TMED10: variants seen among roughly 807,000 people sequenced by gnomAD.
TMED10 encodes the protein transmembrane emp24 domain-containing protein 10.
In TMED10, 7 loss-of-function variants were observed where a neutral mutation model predicts 23.1. The ratio of observed to expected loss-of-function variants is 0.30; its 90% confidence interval spans 0.17 to 0.57. The LOEUF (loss-of-function observed/expected upper bound fraction) is 0.57, where lower values mean the gene tolerates loss of function less well. Ranked by LOEUF, TMED10 falls within the 20% of genes least tolerant of loss-of-function variation. The probability of loss-of-function intolerance (pLI) is 0.91; values close to 1 mark genes in which losing one functional copy is unlikely to be tolerated. For missense variants in TMED10, 162 were observed against 274.8 expected, an observed-to-expected ratio of 0.59 and a Z score of 2.90; for synonymous variants, 113 against 106.9, an observed-to-expected ratio of 1.06 and a Z score of -0.35.
chr14:75,165,377 G>A lies in TMED10; in HGVS notation c.225+10978C>T, dbSNP rs531666800. ...CGAGTAGCTGGGAATACAGGCATAC[G>A]CCACCATGCACGGCTAATTTTTGTA... is the stretch of plus-strand genomic sequence containing the variant. On this transcript the variant is annotated intron_variant, in intron 1 of 4. Transcript: ENST00000303575. Among the ~76,000 whole-genome samples, 7 of 152,110 alleles carry A rather than the reference G, an allele frequency of 4.6e-5. No individual in the cohort carries two copies. In the South Asian group the frequency reaches 1.0e-3, roughly 23 times the overall value.
At chr14:75,156,941 G>GAAAAGAAAA (rs1896027143) in intron 1 of TMED10, among the ~76,000 whole-genome samples, 1 of 151,438 alleles carries the variant, frequency 6.6e-6, no homozygotes, top group Admixed American at 6.6e-5. Context: ...GAAAAGAAAA[G>GAAAAGAAAA]AAAAGAAAAG....
intron 1 of TMED10, among the ~76,000 whole-genome samples, chr14:75,154,807 G>T (rs1896002089): frequency 6.6e-6 from 1 of 151,936 alleles, no homozygotes; most frequent in Admixed American, 6.6e-5. Flanking sequence ...GGGATTACAG[G>T]CACATGCCAC....
At chr14:75,135,089 G>C in intron 4 of TMED10, 83 bp from the exon 5 acceptor site, 2 of 1,539,408 alleles carry the variant, frequency 1.3e-6, no homozygotes, top group East Asian at 4.6e-5. Flanking sequence ...GTGGGTAAAG[G>C]CAATTAATTA....
At chr14:75,135,571 A>T (rs1489718623) in intron 4 of TMED10, 189 bp downstream of exon 4, 4 of 676,146 alleles carry the variant, frequency 5.9e-6, no homozygotes, top group African/African-American at 1.8e-5. Flanking sequence ...CTATCACAGT[A>T]GGAGTTTCTA....
chr14:75,158,723 G>C (rs1022823386), intron 1 of TMED10, among the ~76,000 whole-genome samples: 4 of 151,890 alleles, frequency 2.6e-5, no homozygotes, highest in Non-Finnish European at 4.4e-5. Flanking sequence ...TCGGGAGTTC[G>C]AGACCAGCCT....
At chr14:75,165,684 G>T (rs1594874197) in intron 1 of TMED10, among the ~76,000 whole-genome samples, 1 of 152,134 alleles carries the variant, frequency 6.6e-6, no homozygotes, top group Admixed American at 6.5e-5. Flanking sequence ...GAAATAAAAG[G>T]ATCACATCTA....
At chr14:75,173,889 C>T (rs1385317387) in intron 1 of TMED10, among the ~76,000 whole-genome samples, 1 of 152,148 alleles carries the variant, frequency 6.6e-6, no homozygotes, top group East Asian at 1.9e-4. Flanking sequence ...CGCCACCATG[C>T]CCAGCTAATT....
At position 75,138,812 on chromosome 14, in the gene TMED10, C is replaced by CTTTTTTTTTTTTTT. The variant is rs59707221; in HGVS notation, c.412-2940_412-2927dup. Among the ~76,000 whole-genome samples the CTTTTTTTTTTTTTT allele has an allele frequency of 2.0e-3, 191 of 95,016 alleles. 1 individual carries two copies. The highest frequency in any genetic ancestry group is 2.3e-3 in the Non-Finnish European group (110 of 47,106). 62.3% of individuals were successfully genotyped at this position (95,016 alleles called of 152,430 possible). ...CTACTGAATCCCACAGCCTTTGCTT[C>CTTTTTTTTTTTTTT]TTTTTTTTTTTTTTTTTTTTATTTT... On this transcript the variant is annotated intron_variant, in intron 3 of 4. Transcript: ENST00000303575.
At chr14:75,145,519 C>G (rs73311665) in intron 3 of TMED10, among the ~76,000 whole-genome samples, 2,709 of 152,304 alleles carry the variant, frequency 0.018, 89 homozygotes, top group African/African-American at 0.063. Context: ...GGCGCGGTGC[C>G]TCACGCATGT....
At position 75,131,605 on chromosome 14, in the gene TMED10, A is replaced by AGGGGTCC. The variant is rs1157393941; in HGVS notation, c.*3279_*3280insGGACCCC. 1 of 152,642 alleles carries AGGGGTCC rather than the reference A, an allele frequency of 6.6e-6. No homozygotes were observed. Among genetic ancestry groups the AGGGGTCC allele is most frequent in the Non-Finnish European group, 1.5e-5 (1 of 68,044 alleles). The allele number at this position is 152,642 out of a possible 1,614,324, so 9.5% of individuals were successfully genotyped here. On this transcript the variant is annotated 3_prime_UTR_variant, in exon 5 of 5. Coordinates refer to ENST00000303575, the MANE Select transcript of TMED10 (RefSeq NM_006827.6). ...TGGCTTTATGACAGGGGTCCATGACAATGGTATAACAAGGCTTACTTAAAC... is the reference window on the plus strand; with the variant it reads ...TGGCTTTATGACAGGGGTCCATGACAGGGGTCCATGGTATAACAAGGCTTACTTAAAC...
rs1272152381 is a variant in TMED10, at chr14:75,132,875, G to A, written c.*2010C>T. On this transcript the variant is annotated 3_prime_UTR_variant, in exon 5 of 5. Coordinates refer to ENST00000303575, the MANE Select transcript of TMED10 (RefSeq NM_006827.6). ...GTCAGCAGGGTTAAAAAGAGATTACGGAAAGGATAAACTCCTACCTACTTT... is the reference window on the plus strand; with the variant it reads ...GTCAGCAGGGTTAAAAAGAGATTACAGAAAGGATAAACTCCTACCTACTTT... The A allele has an allele frequency of 6.6e-6, 1 of 152,500 alleles. No homozygotes were observed. The highest frequency in any genetic ancestry group is 1.5e-5 in the Non-Finnish European group (1 of 68,036). The allele number at this position is 152,500 out of a possible 1,614,324, so 9.4% of individuals were successfully genotyped here.
At chr14:75,165,422 T>G (rs2139857189) in intron 1 of TMED10, among the ~76,000 whole-genome samples, 1 of 152,172 alleles carries the variant, frequency 6.6e-6, no homozygotes, top group Admixed American at 6.5e-5. Flanking sequence ...GAGACAGGGT[T>G]TCACCATGTT....
rs1895759031 is a variant in TMED10 at position 75,137,038 on chromosome 14, GA to G, written c.412-1153del. The G allele has an allele frequency of 2.0e-5, 3 of 149,608 alleles. No individual in the cohort carries two copies. The South Asian group carries it at 6.4e-4, about 32-fold the overall frequency. The allele number at this position is 149,608 out of a possible 1,614,324, so 9.3% of individuals were successfully genotyped here. A position where few individuals can be genotyped will look rare whatever the true frequency, so the allele number is the denominator to read the frequency against. Reference sequence around the variant, plus strand: ...ATCTTTTTTTTTTTTTTTGGAGATGGAGTCTCACTCTTGCCAGGCTAGAGTG... The same window carrying G: ...ATCTTTTTTTTTTTTTTTGGAGATGGGTCTCACTCTTGCCAGGCTAGAGTG... On this transcript the variant is annotated intron_variant, in intron 3 of 4. Coordinates refer to ENST00000303575, the MANE Select transcript of TMED10 (RefSeq NM_006827.6).
intron 1 of TMED10, among the ~76,000 whole-genome samples, chr14:75,175,179 A>C (rs1896288011): frequency 6.6e-6 from 1 of 152,130 alleles, no homozygotes; most frequent in Non-Finnish European, 1.5e-5. Context: ...AAATACTGAC[A>C]GATATCAAAT....
At chr14:75,156,960 AACTATCTCAAG>A (rs1395937172) in intron 1 of TMED10, among the ~76,000 whole-genome samples, 3 of 151,680 alleles carry the variant, frequency 2.0e-5, no homozygotes, top group African/African-American at 7.3e-5. Context: ...AGAAAAGAAA[AACTATCTCAAG>A]GAAAAACAAA....
intron 1 of TMED10, among the ~76,000 whole-genome samples, chr14:75,153,463 C>T (rs1895979853): frequency 6.6e-6 from 1 of 152,162 alleles, no homozygotes; most frequent in African/African-American, 2.4e-5. Flanking sequence ...AGTAAACAGC[C>T]ACATACAAAG....
chr14:75,153,980 C>T (rs1031988473), intron 1 of TMED10, among the ~76,000 whole-genome samples: 6 of 151,216 alleles, frequency 4.0e-5, no homozygotes, highest in Non-Finnish European at 8.9e-5. Flanking sequence ...CTGTGTTGGC[C>T]AGGATGGTCT....
intron 1 of TMED10, among the ~76,000 whole-genome samples, chr14:75,169,568 G>A (rs1362760154): frequency 2.0e-5 from 3 of 152,140 alleles, no homozygotes; most frequent in Non-Finnish European, 2.9e-5. Flanking sequence ...TGAGGCAGGA[G>A]AATTGCTTGA....
At chr14:75,146,946 T>TAGATAC (rs1372599119) in intron 3 of TMED10, among the ~76,000 whole-genome samples, 1 of 107,442 alleles carries the variant, frequency 9.3e-6, no homozygotes, top group East Asian at 3.2e-4. Flanking sequence ...TAGATAGATA[T>TAGATAC]ACAACTGTTG....
Sources: allele counts gnomAD v4.1 joint callset (sites outside exome capture counted in the v4.1 genomes callset), GRCh38; gene constraint gnomAD v4.1.1; transcripts MANE v1.5; gene names NCBI Gene and HGNC (gene_info 2026-07-23, HGNC 2026-07-21).